The following FAM81A variants were observed in gnomAD, a reference collection of about 807,000 sequenced individuals.
The protein encoded by FAM81A is family with sequence similarity 81 member A.
A neutral mutation model predicts 46.7 loss-of-function variants in FAM81A; 19 were observed. The observed-to-expected ratio is 0.41, with a 90% CI of 0.28 to 0.60. FAM81A has a LOEUF of 0.60. FAM81A is among the 20% of genes least tolerant of loss of function. FAM81A has a pLI of 0.34. For missense variants in FAM81A, 377 were observed against 453.5 expected, an observed-to-expected ratio of 0.83 and a Z score of 1.53; for synonymous variants, 183 against 152.9, an observed-to-expected ratio of 1.20 and a Z score of -1.45.
intron 3 of FAM81A, among the ~76,000 whole-genome samples, chr15:59,478,828 G>A (rs972939953): frequency 6.6e-6 from 1 of 152,138 alleles, no homozygotes; most frequent in South Asian, 2.1e-4. Flanking sequence ...ATTTTAGCTT[G>A]TCTGAGTCCT....
intron 1 of FAM81A, among the ~76,000 whole-genome samples, chr15:59,448,588 T>G (rs1313765262): frequency 1.5e-5 from 2 of 135,392 alleles, no homozygotes; most frequent in African/African-American, 5.7e-5. Context: ...CCTTGGTGGG[T>G]TTTTTTTTTC....
Position 59,459,941 on chromosome 15 carries a change from G to C in FAM81A, c.29G>C (p.Arg10Thr). ...ATGGTTCCCTTCTGCAGGCGAGTGA[G>C]AACCATGCCCCGACACAGCCAGTCC... is the stretch of plus-strand genomic sequence containing the variant. Reference protein sequence around the residue: MENMHLRRVRTMPRHSQSLT... With the variant: MENMHLRRVTTMPRHSQSLT... The change falls in exon 3 of 9, where the codon AGA becomes ACA. Residue 10 changes from arginine (R) to threonine (T), a missense_variant. Arg to Thr is a moderately conservative substitution (Grantham distance 71). Transcript: ENST00000288228. The C allele has an allele frequency of 6.2e-7, 1 of 1,600,536 alleles. No homozygotes were observed. Among genetic ancestry groups the C allele is most frequent in the Non-Finnish European group, 8.5e-7 (1 of 1,171,892 alleles).
At chr15:59,467,202 T>C (rs1351662187) in intron 3 of FAM81A, among the ~76,000 whole-genome samples, 1 of 152,228 alleles carries the variant, frequency 6.6e-6, no homozygotes, top group African/African-American at 2.4e-5. Flanking sequence ...TCTTTTTTGG[T>C]TCCATATGAA....
At chr15:59,417,879 G>A (rs941552299) in intron 2 of FAM81A, among the ~76,000 whole-genome samples, 3 of 151,664 alleles carry the variant, frequency 2.0e-5, no homozygotes, top group South Asian at 2.1e-4. Context: ...CCATTAACTC[G>A]TCATTTACAT....
At chr15:59,481,979 T>C (rs1188750226) in intron 3 of FAM81A, among the ~76,000 whole-genome samples, 18 of 152,198 alleles carry the variant, frequency 1.2e-4, no homozygotes, top group African/African-American at 4.3e-4. Context: ...CTTTATTTTT[T>C]AGAGCATTTT....
intron 1 of FAM81A, among the ~76,000 whole-genome samples, chr15:59,400,512 G>A (rs1567034014): frequency 6.6e-6 from 1 of 152,080 alleles, no homozygotes; most frequent in Non-Finnish European, 1.5e-5. Flanking sequence ...TCAGCATAAG[G>A]CTGATGATGA....
intron 4 of FAM81A, among the ~76,000 whole-genome samples, chr15:59,504,265 A>T (rs1029526807): frequency 6.6e-6 from 1 of 152,218 alleles, no homozygotes; most frequent in Non-Finnish European, 1.5e-5. Flanking sequence ...ATCATCATTG[A>T]CATGGGAATG....
chr15:59,510,872 A>T (rs1432281396), intron 6 of FAM81A, among the ~76,000 whole-genome samples: 1 of 148,090 alleles, frequency 6.8e-6, no homozygotes, highest in Admixed American at 6.8e-5. Context: ...TCATGGCTGG[A>T]TGTGGTGGTT....
chr15:59,460,975 T>G lies in FAM81A; in HGVS notation c.294+769T>G, dbSNP rs2081544510. On this transcript the variant is annotated intron_variant, in intron 3 of 8. Coordinates refer to ENST00000288228, the MANE Select transcript of FAM81A (RefSeq NM_152450.3). This position sits in a 1 kb window ranked among gnomAD's most constrained non-coding sequence, Gnocchi z 4.4. ...CCTAAAATTAAACCTCATTTCTTTT[T>G]TTTCCATTGTCAGATTTGTATGTAT... Among the ~76,000 whole-genome samples, 1 of 152,242 alleles carries G rather than the reference T, an allele frequency of 6.6e-6. No individual in the cohort carries two copies. The highest frequency in any genetic ancestry group is 1.5e-5 in the Non-Finnish European group (1 of 68,042).
chr15:59,404,648 AG>A (rs2081086505), intron 2 of FAM81A, among the ~76,000 whole-genome samples: 1 of 152,032 alleles, frequency 6.6e-6, no homozygotes, highest in South Asian at 2.1e-4. Flanking sequence ...GTAGAGATGG[AG>A]TCTCACTATG....
chr15:59,490,319 G>T (rs1419086400), intron 3 of FAM81A, among the ~76,000 whole-genome samples: 1 of 152,070 alleles, frequency 6.6e-6, no homozygotes, highest in Admixed American at 6.6e-5. Context: ...AAAGTGGAGG[G>T]AGAACGTAGT....
intron 6 of FAM81A, 81 bp from the exon 7 acceptor site, chr15:59,514,208 T>G: frequency 7.3e-7 from 1 of 1,373,306 alleles, no homozygotes; most frequent in Admixed American, 2.8e-5. Flanking sequence ...CTGTATATCC[T>G]CAACATGTAC....
intron 4 of FAM81A, among the ~76,000 whole-genome samples, chr15:59,497,634 T>C (rs1315505525): frequency 6.6e-6 from 1 of 151,956 alleles, no homozygotes; most frequent in African/African-American, 2.4e-5. Context: ...GGTAGGAGGA[T>C]TGCTTGAGGC....
chr15:59,429,245 C>G (rs1316139558), intron 2 of FAM81A, among the ~76,000 whole-genome samples: 1 of 152,110 alleles, frequency 6.6e-6, no homozygotes, highest in South Asian at 2.1e-4. Context: ...TCTTTGTGTT[C>G]TGAAATTTCA....
chr15:59,434,614 T>C (rs140552158), upstream of FAM81A, among the ~76,000 whole-genome samples: 1 of 152,246 alleles, frequency 6.6e-6, no homozygotes, highest in Admixed American at 6.5e-5. Flanking sequence ...GTCTTCCTCA[T>C]TGCTCCCTGT....
chr15:59,458,053 C>T (rs2081505784), intron 1 of FAM81A, among the ~76,000 whole-genome samples: 1 of 152,146 alleles, frequency 6.6e-6, no homozygotes, highest in Non-Finnish European at 1.5e-5. Flanking sequence ...TCCCACAAAT[C>T]AGATCACATT....
chr15:59,481,944 C>G (rs895797489), intron 3 of FAM81A, among the ~76,000 whole-genome samples: 1 of 151,482 alleles, frequency 6.6e-6, no homozygotes, highest in African/African-American at 2.4e-5. Flanking sequence ...AGTGAAAATG[C>G]TATTTTTGAG....
chr15:59,429,917 T>C (rs2081212152), intron 2 of FAM81A, among the ~76,000 whole-genome samples: 1 of 152,150 alleles, frequency 6.6e-6, no homozygotes, highest in African/African-American at 2.4e-5. Flanking sequence ...GGCAGGCAGG[T>C]GGCGAAGAGT....
intron 8 of FAM81A, among the ~76,000 whole-genome samples, chr15:59,517,089 T>C (rs1302608642): frequency 6.6e-6 from 1 of 152,016 alleles, no homozygotes; most frequent in African/African-American, 2.4e-5. Context: ...GCAACTGAGG[T>C]ACATTTTCTT....
Sources: allele counts gnomAD v4.1 joint callset (sites outside exome capture counted in the v4.1 genomes callset), GRCh38; gene constraint gnomAD v4.1.1; non-coding constraint Gnocchi (gnomAD v3.1); transcripts MANE v1.5; gene names NCBI Gene and HGNC (gene_info 2026-07-23, HGNC 2026-07-21).